DMD: variants seen among roughly 807,000 people sequenced by gnomAD.
DMD encodes the protein dystrophin, also known as mutant dystrophin.
DMD carries 63 observed loss-of-function variants against 330.1 expected under a neutral mutation model. The ratio of observed to expected loss-of-function variants is 0.19; its 90% CI spans 0.16 to 0.24. The LOEUF (loss-of-function observed/expected upper bound fraction) is 0.24. Among genes scored for constraint, DMD ranks in the 10% least tolerant of loss-of-function variants. The pLI is 1.00. For missense variants in DMD, 3,344 were observed against 2,684.1 expected, an observed-to-expected ratio of 1.25 and a Z score of -5.43; for synonymous variants, 1,223 against 959.8, an observed-to-expected ratio of 1.27 and a Z score of -5.07.
chrX:32,867,185 T>C (rs2082582719), intron 2 of DMD, among the ~76,000 whole-genome samples: 1 of 110,735 alleles, frequency 9.0e-6, no homozygotes, highest in Non-Finnish European at 1.9e-5. Flanking sequence ...AAAAAAAAAG[T>C]TGACTTTATT....
intron 11 of DMD, among the ~76,000 whole-genome samples, chrX:32,635,865 T>A (rs966969924): frequency 8.9e-6 from 1 of 111,961 alleles, no homozygotes; most frequent in Non-Finnish European, 1.9e-5. Flanking sequence ...TTACCACAAG[T>A]ACATCCATCG....
intron 2 of DMD, among the ~76,000 whole-genome samples, chrX:33,007,508 T>C (rs891349584): frequency 9.0e-6 from 1 of 111,698 alleles, no homozygotes; most frequent in African/African-American, 3.2e-5. Flanking sequence ...TATCCTGCTT[T>C]ATTTTTTCTC....
intron 1 of DMD, among the ~76,000 whole-genome samples, chrX:33,087,541 C>CA (rs1430168103): frequency 8.9e-6 from 1 of 111,906 alleles, no homozygotes; most frequent in Non-Finnish European, 1.9e-5. Context: ...CTTTTCTACT[C>CA]ACATTCATTC....
At chrX:33,235,547 A>AATTCTT (rs1353250619) in intron 1 of DMD, among the ~76,000 whole-genome samples, 4 of 111,831 alleles carry the variant, frequency 3.6e-5, no homozygotes, top group African/African-American at 9.8e-5. Context: ...CTATCTTGCA[A>AATTCTT]TTTATTATTT....
At chrX:32,488,208 C>G (rs1328238103) in intron 20 of DMD, among the ~76,000 whole-genome samples, 1 of 112,040 alleles carries the variant, frequency 8.9e-6, no homozygotes, top group African/African-American at 3.2e-5. Context: ...AAGATGTGAA[C>G]AATTAGCCAT....
chrX:32,709,622 G>A (rs776545024), intron 7 of DMD, among the ~76,000 whole-genome samples: 7 of 110,651 alleles, frequency 6.3e-5, no homozygotes, highest in Admixed American at 2.9e-4. Context: ...TACACCTCTT[G>A]ATCTTCATAT....
intron 2 of DMD, among the ~76,000 whole-genome samples, chrX:32,866,732 GGT>G (rs1569536572): frequency 6.0e-5 from 2 of 33,282 alleles, no homozygotes; most frequent in East Asian, 3.2e-3. Context: ...TTTGGGGGGG[GGT>G]GGGGGGGTGG....
intron 7 of DMD, among the ~76,000 whole-genome samples, chrX:32,793,756 G>C (rs773648539): frequency 7.5e-4 from 84 of 111,676 alleles, no homozygotes; most frequent in Admixed American, 1.0e-3. Context: ...TCTTGAATCA[G>C]TAATCTTAAA....
chrX:31,664,118 A>C (rs1409042171), intron 53 of DMD, among the ~76,000 whole-genome samples: 1 of 111,495 alleles, frequency 9.0e-6, no homozygotes, highest in African/African-American at 3.3e-5. Flanking sequence ...TATTACTAGA[A>C]GTAACACAAG....
At chrX:32,264,270 A>C (rs992120061) in intron 43 of DMD, among the ~76,000 whole-genome samples, 1 of 111,754 alleles carries the variant, frequency 8.9e-6, no homozygotes, top group Non-Finnish European at 1.9e-5. Context: ...TTCTGCTTCC[A>C]CAGTGATTGT....
rs183069382 is a variant in DMD at position 33,265,218 on chromosome X, C to T, written c.7+74041G>A. On this transcript the variant is annotated intron_variant, in intron 1 of 17. Transcript: ENST00000288447. The stretch of plus-strand genomic sequence containing the variant: ...TATATTTAGTGTACTCACTGTTTTT[C>T]TGAATTTTGCCTAGATCCTGACTGT... Among the ~76,000 whole-genome samples, 9 of 110,149 alleles carry T rather than the reference C, an allele frequency of 8.2e-5. No individual in the cohort carries two copies. In the East Asian group the frequency reaches 2.6e-3, roughly 32 times the overall value.
Position 31,929,678 on chromosome X carries a change from A to C in DMD, c.6830T>G (p.Val2277Gly), listed in dbSNP as rs1051247530. ...LKQLNETGGP[V>G]LVSAPISPEE... The stretch of plus-strand genomic sequence containing the variant: ...TGGGCTTATGGGAGCACTTACAAGC[A>C]CGGGTCCTCCAGTTTCATTTAATTG... The change falls in exon 47 of 79, where the codon GTG (valine) becomes GGG (glycine). Residue 2277 changes from valine (V) to glycine (G), a missense_variant. Val to Gly is a moderately radical substitution (Grantham distance 109). Coordinates refer to ENST00000357033, the MANE Select transcript of DMD (RefSeq NM_004006.3). 1 of 1,211,420 alleles carries C rather than the reference A, an allele frequency of 8.3e-7. No homozygotes were observed. The highest frequency in any genetic ancestry group is 1.7e-5 in the African/African-American group (1 of 57,753).
intron 29 of DMD, among the ~76,000 whole-genome samples, chrX:32,415,686 G>A (rs920591426): frequency 3.6e-5 from 4 of 111,758 alleles, no homozygotes; most frequent in Admixed American, 9.6e-5. Flanking sequence ...GCAGTAAGAG[G>A]AATTATATAG....
intron 44 of DMD, among the ~76,000 whole-genome samples, chrX:32,014,901 G>A (rs1358989139): frequency 8.9e-6 from 1 of 112,149 alleles, no homozygotes; most frequent in African/African-American, 3.2e-5. Context: ...AAATAGGTAA[G>A]ACTACTGAAG....
Position 32,365,014 on chromosome X carries a change from T to C in DMD, c.5025+6A>G. ...GGGTGTAAAAGCTTCTAGCCTTTTC[T>C]CTTACCAACAAAAGATTTAACCACT... On this transcript the variant is annotated splice_donor_region_variant and intron_variant, in intron 35 of 78. Coordinates refer to ENST00000357033, the MANE Select transcript of DMD (RefSeq NM_004006.3). The C allele has an allele frequency of 8.3e-7, 1 of 1,210,695 alleles. No individual in the cohort carries two copies. Among genetic ancestry groups the C allele is most frequent in the South Asian group, 1.8e-5 (1 of 56,974 alleles).
In DMD at chrX:33,114,772, GCTT is replaced by G. The variant is rs1480903693; in HGVS notation, c.32-94575_32-94573del. Among the ~76,000 whole-genome samples, 8 of 112,063 alleles carry G rather than the reference GCTT, an allele frequency of 7.1e-5. No homozygotes were observed. The South Asian group carries it at 1.5e-3, about 21-fold the overall frequency. ...GCTTTACTCTGAAAGTAGAATCTGTGCTTCATTAATAGTGCCTGTGTTTAACAC... is the reference window on the plus strand; with the variant it reads ...GCTTTACTCTGAAAGTAGAATCTGTGCATTAATAGTGCCTGTGTTTAACAC... On this transcript the variant is annotated intron_variant, in intron 1 of 78. Transcript: ENST00000357033.
chrX:32,294,250 C>T (rs745693680), intron 42 of DMD, among the ~76,000 whole-genome samples: 25 of 112,615 alleles, frequency 2.2e-4, no homozygotes, highest in Non-Finnish European at 4.5e-4. Flanking sequence ...AGGCTGATTA[C>T]TTAAATTCAC....
At chrX:32,323,775 T>C (rs1032700875) in intron 41 of DMD, among the ~76,000 whole-genome samples, 5 of 111,391 alleles carry the variant, frequency 4.5e-5, no homozygotes, top group African/African-American at 1.3e-4. Context: ...TATAAAATTA[T>C]AGACAAGGGA....
intron 11 of DMD, among the ~76,000 whole-genome samples, chrX:32,625,135 G>A (rs1410193502): frequency 9.0e-6 from 1 of 111,451 alleles, no homozygotes; most frequent in Non-Finnish European, 1.9e-5. Context: ...CGCACCATTA[G>A]ACTCCAGCCT....
Sources: allele counts gnomAD v4.1 joint callset (sites outside exome capture counted in the v4.1 genomes callset), GRCh38; gene constraint gnomAD v4.1.1; transcripts MANE v1.5; gene names NCBI Gene and HGNC (gene_info 2026-07-23, HGNC 2026-07-21).